Variants in SCN8A observed in about 807,000 individuals in gnomAD.
The protein encoded by SCN8A is sodium channel protein type 8 subunit alpha.
SCN8A carries 30 observed loss-of-function variants against 184.1 expected under a neutral mutation model. The ratio of observed to expected loss-of-function variants is 0.16; its 90% confidence interval spans 0.12 to 0.22. The LOEUF (loss-of-function observed/expected upper bound fraction) is 0.22. SCN8A is among the 10% of genes least tolerant of loss of function. SCN8A has a pLI of 1.00. For synonymous variants in SCN8A, 852 were observed against 907.0 expected (o/e 0.94, Z 1.09); for missense variants, 1,057 against 2,498.9 (o/e 0.42, Z 12.30).
chr12:51,682,074 C>A (rs767965299), intron 2 of SCN8A, among the ~76,000 whole-genome samples: 12 of 152,020 alleles, frequency 7.9e-5, no homozygotes, highest in Non-Finnish European at 1.6e-4. Flanking sequence ...ATGCTTTTTT[C>A]TGCATCTATT....
At chr12:51,724,303 C>T (rs1176765527) in intron 12 of SCN8A, among the ~76,000 whole-genome samples, 1 of 152,086 alleles carries the variant, frequency 6.6e-6, no homozygotes, top group Non-Finnish European at 1.5e-5. Flanking sequence ...AAAAATTAGC[C>T]AGGCATGGTG....
At chr12:51,679,099 A>T (rs1194400373) in intron 2 of SCN8A, among the ~76,000 whole-genome samples, 2 of 150,916 alleles carry the variant, frequency 1.3e-5, no homozygotes, top group African/African-American at 4.9e-5. Context: ...AAAATAAAAA[A>T]AAATAAAGCT....
intron 1 of SCN8A, among the ~76,000 whole-genome samples, chr12:51,601,863 T>G (rs1190977048): frequency 2.7e-5 from 4 of 149,908 alleles, no homozygotes; most frequent in Admixed American, 6.6e-5. Context: ...GGGTTTTTTT[T>G]TTTTTTTTTT....
chr12:51,612,134 T>G (rs1939733073), intron 1 of SCN8A, among the ~76,000 whole-genome samples: 1 of 152,210 alleles, frequency 6.6e-6, no homozygotes, highest in African/African-American at 2.4e-5. Flanking sequence ...TTTTCACTAT[T>G]AAGTATGATA....
chr12:51,611,790 C>T (rs555908394), intron 1 of SCN8A, among the ~76,000 whole-genome samples: 347 of 152,208 alleles, frequency 2.3e-3, no homozygotes, highest in African/African-American at 7.8e-3. Flanking sequence ...CCACTGCACC[C>T]GGCCTAATGT....
At chr12:51,650,850 AG>A (rs1491302685) in intron 1 of SCN8A, among the ~76,000 whole-genome samples, 1 of 152,190 alleles carries the variant, frequency 6.6e-6, no homozygotes, top group African/African-American at 2.4e-5. Flanking sequence ...GTGGGAAATC[AG>A]GGGTCTCATA....
intron 1 of SCN8A, among the ~76,000 whole-genome samples, chr12:51,632,554 C>T (rs1295438352): frequency 2.0e-5 from 3 of 152,108 alleles, no homozygotes; most frequent in African/African-American, 7.2e-5. Context: ...CTACCTAGTC[C>T]TCAAGCATTG....
intron 1 of SCN8A, among the ~76,000 whole-genome samples, chr12:51,617,715 T>TA (rs1435916175): frequency 2.0e-5 from 3 of 152,230 alleles, no homozygotes; most frequent in African/African-American, 7.2e-5. Context: ...GTTTAAATCA[T>TA]ATAGAGAATG....
At chr12:51,788,296 T>C (rs1473889337) in intron 22 of SCN8A, among the ~76,000 whole-genome samples, 2 of 149,484 alleles carry the variant, frequency 1.3e-5, no homozygotes, top group Admixed American at 1.3e-4. Context: ...CCTTTTTTTT[T>C]TTTTTTTTTT....
At chr12:51,773,078 C>T (rs1244269468) in intron 19 of SCN8A, among the ~76,000 whole-genome samples, 1 of 151,812 alleles carries the variant, frequency 6.6e-6, no homozygotes, top group Admixed American at 6.6e-5. Flanking sequence ...GATCGCACCA[C>T]TGCACTCCAT....
intron 14 of SCN8A, among the ~76,000 whole-genome samples, chr12:51,756,173 C>T (rs1942670886): frequency 6.6e-6 from 1 of 152,174 alleles, no homozygotes; most frequent in African/African-American, 2.4e-5. Flanking sequence ...CTTAACACCC[C>T]TCACCAGGCC....
intron 3 of SCN8A, among the ~76,000 whole-genome samples, chr12:51,684,879 G>A (rs1941394512): frequency 6.6e-6 from 1 of 152,278 alleles, no homozygotes; most frequent in East Asian, 1.9e-4. Flanking sequence ...AGTGGCCTGA[G>A]TTACACCTTA....
intron 1 of SCN8A, among the ~76,000 whole-genome samples, chr12:51,620,884 G>A (rs1768219864): frequency 6.6e-6 from 1 of 152,114 alleles, no homozygotes; most frequent in Admixed American, 6.6e-5. Flanking sequence ...CTACTCGGGA[G>A]GCTGAGGCGG....
rs946417621 is a variant in SCN8A at position 51,684,306 on chromosome 12, C to G, written c.395+14C>G. ...TTTGATACATTCATATCCTTTTCGG[C>G]AAATGTGGAGTGAGTGCGGCAATTG... is the stretch of plus-strand genomic sequence containing the variant. On this transcript the variant is annotated intron_variant, in intron 3 of 26. Coordinates refer to ENST00000627620, the MANE Select transcript of SCN8A (RefSeq NM_001330260.2). 7 of 1,253,768 alleles carry G rather than the reference C, an allele frequency of 5.6e-6. No individual in the cohort carries two copies. The Admixed American group carries it at 6.7e-5, about 12-fold the overall frequency. The allele number at this position is 1,253,768 out of a possible 1,614,324, so 77.7% of individuals were successfully genotyped here.
At position 51,699,721 on chromosome 12, in the gene SCN8A, A is replaced by T. The variant is rs370911858; in HGVS notation, c.858A>T (p.Ile286=). The change falls in exon 7 of 27, where the codon ATA becomes ATT. Residue 286 remains isoleucine (I), a synonymous_variant. Coordinates refer to ENST00000627620, the MANE Select transcript of SCN8A (RefSeq NM_001330260.2). ...GAAACAAGTGTGTTGTGTGGCCCAT[A>T]AACTTCAACGAGAGCTATCTTGAAA... ...NLRNKCVVWP[I]NFNESYLENG... The T allele has an allele frequency of 6.1e-5, 99 of 1,613,872 alleles. No homozygotes were observed. The highest frequency in any genetic ancestry group is 8.1e-5 in the Non-Finnish European group (96 of 1,179,890).
At chr12:51,713,081 C>A (rs111797682) in intron 11 of SCN8A, 6 of 1,375,720 alleles carry the variant, frequency 4.4e-6, no homozygotes, top group African/African-American at 2.8e-5. Context: ...GTATCATGAT[C>A]ATCAAAAGTT....
At chr12:51,604,109 G>A (rs1315206994) in intron 1 of SCN8A, among the ~76,000 whole-genome samples, 4 of 151,870 alleles carry the variant, frequency 2.6e-5, no homozygotes, top group Admixed American at 1.3e-4. Flanking sequence ...TATGGGTCAC[G>A]TTTTTGATGT....
intron 11 of SCN8A, chr12:51,712,411 C>T (rs1403907437): frequency 1.3e-6 from 1 of 745,846 alleles, no homozygotes; most frequent in East Asian, 2.4e-5. Flanking sequence ...GCTTTCCTGA[C>T]AGCTCCTCGC....
At chr12:51,774,453 C>A in intron 20 of SCN8A, 91 bp downstream of exon 20, 1 of 1,239,738 alleles carries the variant, frequency 8.1e-7, no homozygotes, top group Non-Finnish European at 1.1e-6. Flanking sequence ...CTGCCCTGGG[C>A]CCAGGTTATA....
Sources: gnomAD v4.1 joint callset for allele counts (sites outside exome capture counted in the v4.1 genomes callset) on GRCh38, gnomAD v4.1.1 for gene constraint, MANE v1.5 for transcripts, NCBI Gene and HGNC (gene_info 2026-07-23, HGNC 2026-07-21) for gene names.